The following CNTN5 variants were observed in gnomAD, a reference collection of about 807,000 sequenced individuals.
CNTN5 encodes contactin-5.
CNTN5 carries 77 observed loss-of-function variants against 129.1 expected under a neutral mutation model. The observed-to-expected ratio is 0.60, with a 90% CI of 0.50 to 0.72. The LOEUF (loss-of-function observed/expected upper bound fraction) is 0.72. Among genes scored for constraint, CNTN5 ranks in the 30% least tolerant of loss-of-function variants. The probability of loss-of-function intolerance (pLI) is 0.00; values close to 1 mark genes in which losing one functional copy is unlikely to be tolerated. For missense variants in CNTN5, 1,478 were observed against 1,328.8 expected, an observed-to-expected ratio of 1.11 and a Z score of -1.75; for synonymous variants, 509 against 465.6, an observed-to-expected ratio of 1.09 and a Z score of -1.20.
At position 99,188,689 on chromosome 11, in the gene CNTN5, G is replaced by A. The variant is rs956150309; in HGVS notation, c.-209-136657G>A. Among the ~76,000 whole-genome samples the A allele has an allele frequency of 4.0e-5, 6 of 151,534 alleles. No homozygotes were observed. In the East Asian group the frequency reaches 7.7e-4, roughly 20 times the overall value. ...TATTATTTGGTCTGATATTAAATAC[G>A]TTCTCATGCTTATGCTCGTTAGTAT... On this transcript the variant is annotated intron_variant, in intron 1 of 24. Coordinates refer to ENST00000524871, the MANE Select transcript of CNTN5 (RefSeq NM_014361.4).
chr11:99,927,931 G>A (rs1034333398), intron 7 of CNTN5, among the ~76,000 whole-genome samples: 1 of 152,110 alleles, frequency 6.6e-6, no homozygotes, highest in Non-Finnish European at 1.5e-5. Flanking sequence ...ATCCTGGTAT[G>A]AGCCTCTAAC....
At chr11:99,746,502 G>T (rs180988337) in intron 3 of CNTN5, among the ~76,000 whole-genome samples, 42 of 152,302 alleles carry the variant, frequency 2.8e-4, no homozygotes, top group Non-Finnish European at 5.3e-4. Flanking sequence ...AGCACAGCAG[G>T]AGGTGAGCAG....
At chr11:100,110,356 C>T (rs9666778) in intron 13 of CNTN5, among the ~76,000 whole-genome samples, 3 of 151,786 alleles carry the variant, frequency 2.0e-5, no homozygotes, top group East Asian at 3.9e-4. Flanking sequence ...CACCTGTAGA[C>T]GTGTCATATT....
intron 3 of CNTN5, among the ~76,000 whole-genome samples, chr11:99,688,606 T>TAATAATAAC (rs1427401090): frequency 1.3e-4 from 20 of 152,220 alleles, no homozygotes; most frequent in African/African-American, 4.8e-4. Context: ...TTATTATTAT[T>TAATAATAAC]TTGTCTTCAT....
intron 1 of CNTN5, among the ~76,000 whole-genome samples, chr11:99,151,188 G>A (rs923357820): frequency 5.3e-5 from 8 of 151,972 alleles, no homozygotes; most frequent in Non-Finnish European, 8.8e-5. Flanking sequence ...GGATTAAAGC[G>A]CCTGCTTTGT....
intron 6 of CNTN5, among the ~76,000 whole-genome samples, chr11:99,853,136 T>A (rs900953904): frequency 6.6e-6 from 1 of 152,098 alleles, no homozygotes; most frequent in Non-Finnish European, 1.5e-5. Flanking sequence ...AATATTTCAC[T>A]GAGGGACAAG....
At chr11:100,334,434 C>G (rs1442329291) in intron 21 of CNTN5, among the ~76,000 whole-genome samples, 1 of 152,112 alleles carries the variant, frequency 6.6e-6, no homozygotes, top group Non-Finnish European at 1.5e-5. Context: ...TACTAGGTAT[C>G]TACCCAGAGG....
chr11:100,018,631 T>G (rs1940957882), intron 9 of CNTN5, among the ~76,000 whole-genome samples: 1 of 151,996 alleles, frequency 6.6e-6, no homozygotes, highest in South Asian at 2.1e-4. Context: ...CATGAACATT[T>G]GTTTAGAAGT....
chr11:99,049,677 C>A (rs980680059), intron 1 of CNTN5: 2 of 152,130 alleles, frequency 1.3e-5, no homozygotes, highest in African/African-American at 2.4e-5. Flanking sequence ...GTACTCCAGT[C>A]AGCCTTTCAC....
chr11:99,333,637 A>T (rs1443415986), intron 2 of CNTN5, among the ~76,000 whole-genome samples: 5 of 152,048 alleles, frequency 3.3e-5, no homozygotes, highest in African/African-American at 1.2e-4. Context: ...ATATATTTCA[A>T]ATCTCTGAGA....
At chr11:99,924,291 T>G (rs1950010458) in intron 7 of CNTN5, among the ~76,000 whole-genome samples, 1 of 152,168 alleles carries the variant, frequency 6.6e-6, no homozygotes, top group East Asian at 1.9e-4. Flanking sequence ...CATTTGCTTT[T>G]GAGAACTTAG....
intron 2 of CNTN5, among the ~76,000 whole-genome samples, chr11:99,385,199 T>C (rs1339937694): frequency 6.6e-6 from 1 of 152,152 alleles, no homozygotes; most frequent in African/African-American, 2.4e-5. Flanking sequence ...AATACAAATA[T>C]TGTTAACTTT....
chr11:99,695,824 C>T (rs1261918146), intron 3 of CNTN5, among the ~76,000 whole-genome samples: 1 of 152,010 alleles, frequency 6.6e-6, no homozygotes, highest in Non-Finnish European at 1.5e-5. Flanking sequence ...TAACCTTATG[C>T]AAATTACTAG....
In CNTN5 at chr11:99,783,062, G is replaced by A. The variant is rs868649883; in HGVS notation, c.56-36482G>A. Among the ~76,000 whole-genome samples, 523 of 139,216 alleles carry A rather than the reference G, an allele frequency of 3.8e-3. 2 individuals carry two copies. The highest frequency in any genetic ancestry group is 0.015 in the South Asian group (60 of 4,024). 91.3% of individuals were successfully genotyped at this position (139,216 alleles called of 152,430 possible). A position where few individuals can be genotyped will look rare whatever the true frequency, so the allele number is the denominator to read the frequency against. On this transcript the variant is annotated intron_variant, in intron 3 of 24. Coordinates refer to ENST00000524871, the MANE Select transcript of CNTN5 (RefSeq NM_014361.4). ...ACCTACAAAATGGGAGAAAATTTTC[G>A]CAACCTACTCATCTGACAAAGGGCT...
intron 1 of CNTN5, among the ~76,000 whole-genome samples, chr11:99,277,369 C>G (rs1863490377): frequency 6.6e-6 from 1 of 151,576 alleles, no homozygotes; most frequent in Admixed American, 6.6e-5. Context: ...TTTATATAGT[C>G]ATTTCCTAGA....
intron 8 of CNTN5, among the ~76,000 whole-genome samples, chr11:99,966,987 G>A (rs1314227675): frequency 1.3e-5 from 2 of 151,994 alleles, no homozygotes; most frequent in Admixed American, 1.3e-4. Context: ...ATGTTACTTT[G>A]GTAACCCCTA....
intron 21 of CNTN5, among the ~76,000 whole-genome samples, chr11:100,326,193 AG>A (rs943935190): frequency 2.6e-5 from 4 of 152,174 alleles, no homozygotes; most frequent in African/African-American, 9.6e-5. Context: ...TAAATCAATA[AG>A]AAAATTTTAT....
At chr11:99,096,749 A>G (rs531739092) in intron 1 of CNTN5, among the ~76,000 whole-genome samples, 1 of 151,740 alleles carries the variant, frequency 6.6e-6, no homozygotes, top group Non-Finnish European at 1.5e-5. Context: ...CAGTCAAGGC[A>G]TTCAAAAACT....
chr11:100,209,272 G>A (rs897151613), intron 15 of CNTN5, among the ~76,000 whole-genome samples: 1 of 152,138 alleles, frequency 6.6e-6, no homozygotes, highest in African/African-American at 2.4e-5. Context: ...GAGAGGTGTA[G>A]GAGATAGCCT....
Sources: gnomAD v4.1 joint callset for allele counts (sites outside exome capture counted in the v4.1 genomes callset) on GRCh38, gnomAD v4.1.1 for gene constraint, MANE v1.5 for transcripts, NCBI Gene and HGNC (gene_info 2026-07-23, HGNC 2026-07-21) for gene names.